FBXW10: variants seen among roughly 807,000 people sequenced by gnomAD.
The protein encoded by FBXW10 is F-box and WD repeat domain containing 10.
In FBXW10, 68 loss-of-function variants were observed where a neutral mutation model predicts 113.1. The observed-to-expected ratio is 0.60, with a 90% confidence interval of 0.49 to 0.74. The LOEUF is 0.74. Ranked by LOEUF, FBXW10 falls within the 30% of genes least tolerant of loss-of-function variation. FBXW10 has a pLI of 0.00. For missense variants in FBXW10, 753 were observed against 1,284.5 expected (o/e 0.59, Z 6.32); for synonymous variants, 289 against 481.6 (o/e 0.60, Z 5.24).
intron 11 of FBXW10, among the ~76,000 whole-genome samples, chr17:18,771,031 A>G (rs1245575178): frequency 6.6e-6 from 1 of 151,854 alleles, no homozygotes; most frequent in Non-Finnish European, 1.5e-5. Context: ...AAACTTTATT[A>G]GTATTATTTA....
Position 18,744,150 on chromosome 17 carries a change from CTG to C in FBXW10, c.-94_-93del. 6.6e-7 allele frequency: 1 copy of C among 1,525,032 alleles called. No homozygotes were observed. The highest frequency in any genetic ancestry group is 2.3e-5 in the East Asian group (1 of 44,114). 94.5% of individuals were successfully genotyped at this position (1,525,032 alleles called of 1,614,324 possible). A position where few individuals can be genotyped will look rare whatever the true frequency, so the allele number is the denominator to read the frequency against. On this transcript the variant is annotated 5_prime_UTR_variant, in exon 1 of 14. Transcript: ENST00000395665. ...GACGTTTGTAATAGAAAAGGCACAA[CTG>C]GGGTATTTATTCATTCCCCCCGTTC...
At chr17:18,769,194 C>CA (rs1008291614) in intron 10 of FBXW10, among the ~76,000 whole-genome samples, 12 of 152,016 alleles carry the variant, frequency 7.9e-5, no homozygotes, top group African/African-American at 2.9e-4. Flanking sequence ...CTCAGCCTCC[C>CA]AAAGTGCTGG....
intron 11 of FBXW10, among the ~76,000 whole-genome samples, chr17:18,770,728 G>T (rs1476911381): frequency 6.6e-6 from 1 of 152,086 alleles, no homozygotes; most frequent in African/African-American, 2.4e-5. Flanking sequence ...GCCTTTGGCT[G>T]CCTGAGAGCT....
chr17:18,744,409 G>T lies in FBXW10; in HGVS notation c.165G>T (p.Arg55Ser), dbSNP rs200806553. The change falls in exon 1 of 14, where the codon AGG becomes AGT. Residue 55 changes from arginine to serine, a missense_variant. Arg to Ser is a moderately radical substitution (Grantham distance 110, BLOSUM62 -1). Coordinates refer to ENST00000395665, the MANE Select transcript of FBXW10 (RefSeq NM_001267585.2). ...GGATCAATGACATATCACAGAGGAG[G>T]TTTCTAGTTGGCATTCTGAAGCAGT... ...FCRINDISQRRFLVGILKQLN... is the reference protein window; with the variant it reads ...FCRINDISQRSFLVGILKQLN... The T allele has an allele frequency of 1.7e-5, 27 of 1,613,504 alleles. No homozygotes were observed. The Middle Eastern group carries it at 4.9e-4, about 29-fold the overall frequency.
Position 18,758,495 on chromosome 17 carries a change from C to T in FBXW10, c.1423C>T (p.Leu475=), listed in dbSNP as rs1394451384. The T allele has an allele frequency of 6.2e-7, 1 of 1,613,452 alleles. No homozygotes were observed. Among genetic ancestry groups the T allele is most frequent in the Admixed American group, 1.7e-5 (1 of 59,878 alleles). Residue 475 remains leucine, a synonymous_variant, in exon 7 of 14, where the codon CTA becomes TTA. Transcript: ENST00000395665. ...ENFLLSGSYD[L]SIRYWDLKSG... ...CTTTCTCCTAAGCGGGAGCTATGAC[C>T]TAAGTATCAGGTGAGGAGTCCAAAG...
At chr17:18,760,398 G>GA (rs2035355892) in intron 7 of FBXW10, among the ~76,000 whole-genome samples, 1 of 152,226 alleles carries the variant, frequency 6.6e-6, no homozygotes, top group African/African-American at 2.4e-5. Context: ...GGAGACCCAG[G>GA]AGAGCCAACG....
At chr17:18,774,991 A>G (rs1370299824) in intron 12 of FBXW10, 145 bp from the exon 13 acceptor site, 2 of 582,986 alleles carry the variant, frequency 3.4e-6, no homozygotes, top group Non-Finnish European at 3.0e-6. Flanking sequence ...ATAATTATGT[A>G]TAATTATGTA....
At chr17:18,753,720 G>A (rs2035210645) in intron 5 of FBXW10, among the ~76,000 whole-genome samples, 1 of 151,880 alleles carries the variant, frequency 6.6e-6, no homozygotes, top group African/African-American at 2.4e-5. Flanking sequence ...TAAAAATATA[G>A]AAAATTAGCC....
At chr17:18,748,940 C>T (rs143595427) in intron 2 of FBXW10, among the ~76,000 whole-genome samples, 3 of 152,128 alleles carry the variant, frequency 2.0e-5, no homozygotes, top group Admixed American at 6.6e-5. Flanking sequence ...GAAATATCAT[C>T]GGAAACACAA....
chr17:18,746,331 A>C (rs2035036968), intron 1 of FBXW10, among the ~76,000 whole-genome samples: 1 of 152,126 alleles, frequency 6.6e-6, no homozygotes, highest in Non-Finnish European at 1.5e-5. Flanking sequence ...CCAGGAGTGG[A>C]AGGTCCAACA....
intron 2 of FBXW10, among the ~76,000 whole-genome samples, chr17:18,749,490 T>C (rs919540437): frequency 6.6e-6 from 1 of 151,562 alleles, no homozygotes; most frequent in African/African-American, 2.4e-5. Context: ...GAGCTTGCAG[T>C]GAGCCGAGAT....
At chr17:18,775,473 A>G (rs1178053302) in intron 13 of FBXW10, among the ~76,000 whole-genome samples, 1 of 152,190 alleles carries the variant, frequency 6.6e-6, no homozygotes, top group African/African-American at 2.4e-5. Context: ...TTGAGGCCAC[A>G]GAGGGAGAAC....
At chr17:18,769,820 G>C (rs1201847686) in intron 10 of FBXW10, 107 bp from the exon 11 acceptor site, 18 of 1,206,178 alleles carry the variant, frequency 1.5e-5, no homozygotes, top group Non-Finnish European at 1.5e-5. Context: ...TTTGAGGCCA[G>C]TTATGGCCAG....
chr17:18,751,104 T>C, intron 5 of FBXW10, 51 bp downstream of exon 5: 1 of 1,611,476 alleles, frequency 6.2e-7, no homozygotes, highest in Non-Finnish European at 8.5e-7. Context: ...CTCATTCTAA[T>C]TGTCATTGAA....
intron 12 of FBXW10, 148 bp downstream of exon 12, chr17:18,772,831 GAA>G: frequency 1.5e-6 from 1 of 659,342 alleles, no homozygotes; most frequent in Non-Finnish European, 2.6e-6. Context: ...AACCCTCCAG[GAA>G]GGTAGGAGCC....
intron 13 of FBXW10, among the ~76,000 whole-genome samples, chr17:18,777,329 GC>G (rs935672077): frequency 3.3e-5 from 5 of 152,034 alleles, no homozygotes; most frequent in Admixed American, 1.3e-4. Flanking sequence ...CTCCCAAAGT[GC>G]TGGGATTACA....
At chr17:18,746,049 T>C (rs1262701875) in intron 1 of FBXW10, among the ~76,000 whole-genome samples, 4 of 152,160 alleles carry the variant, frequency 2.6e-5, no homozygotes, top group Non-Finnish European at 5.9e-5. Context: ...GAAATCAATG[T>C]ATCATGAGGC....
intron 4 of FBXW10, 45 bp from the exon 5 acceptor site, chr17:18,750,886 A>G (rs765191686): frequency 2.5e-6 from 4 of 1,589,120 alleles, no homozygotes; most frequent in Non-Finnish European, 2.6e-6. Flanking sequence ...AAGAGAAGCC[A>G]TTTTCTGTTT....
Position 18,749,227 on chromosome 17 carries a change from T to C in FBXW10, c.671-495T>C, listed in dbSNP as rs1282480867. 3.3e-5 allele frequency among the ~76,000 whole-genome samples: 5 copies of C among 151,996 alleles called. No homozygotes were observed. In the South Asian group the frequency reaches 6.2e-4, roughly 19 times the overall value. On this transcript the variant is annotated intron_variant, in intron 2 of 13. Transcript: ENST00000395665. ...TGGGCTGAAAAAGCTGAAAAGTACATGTATATATGGGTCAAAAGATTCTAT... is the reference window on the plus strand; with the variant it reads ...TGGGCTGAAAAAGCTGAAAAGTACACGTATATATGGGTCAAAAGATTCTAT...
Sources: allele counts gnomAD v4.1 joint callset (sites outside exome capture counted in the v4.1 genomes callset), GRCh38; gene constraint gnomAD v4.1.1; transcripts MANE v1.5; gene names NCBI Gene and HGNC (gene_info 2026-07-23, HGNC 2026-07-21).